MOSPD2: variants seen among roughly 807,000 people sequenced by gnomAD.
MOSPD2 encodes motile sperm domain containing 2.
Under a neutral mutation model 41.7 loss-of-function variants are expected in MOSPD2, and 5 were observed. The ratio of observed to expected loss-of-function variants is 0.12; its 90% CI spans 0.06 to 0.25. The LOEUF (loss-of-function observed/expected upper bound fraction) is 0.25. Ranked by LOEUF, MOSPD2 falls within the 10% of genes least tolerant of loss-of-function variation. The pLI is 1.00. For missense variants in MOSPD2, 282 were observed against 375.2 expected (o/e 0.75, Z 2.05); for synonymous variants, 115 against 126.9 (o/e 0.91, Z 0.63).
At position 14,912,008 on chromosome X, in the gene MOSPD2, T is replaced by G. The variant is rs1384989522; in HGVS notation, c.880-241T>G. Among the ~76,000 whole-genome samples the G allele has an allele frequency of 8.9e-5, 10 of 112,627 alleles. No homozygotes were observed. The East Asian group carries it at 2.8e-3, about 31-fold the overall frequency. On this transcript the variant is annotated intron_variant, in intron 9 of 14. Coordinates refer to ENST00000380492, the MANE Select transcript of MOSPD2 (RefSeq NM_152581.4). ...AAGTAATTAATTTAAAACTTTGATTTAGTTCCTTTCTCTAATTTTTAAAAG... is the reference window on the plus strand; with the variant it reads ...AAGTAATTAATTTAAAACTTTGATTGAGTTCCTTTCTCTAATTTTTAAAAG...
chrX:14,892,590 G>A (rs745360458), intron 2 of MOSPD2, 133 bp from the exon 3 acceptor site: 4 of 491,488 alleles, frequency 8.1e-6, no homozygotes, highest in Non-Finnish European at 1.0e-5. Flanking sequence ...GCTTTTATCT[G>A]AACTACATCC....
chrX:14,888,422 C>T (rs1017914032), intron 2 of MOSPD2, among the ~76,000 whole-genome samples: 2 of 110,284 alleles, frequency 1.8e-5, no homozygotes, highest in African/African-American at 3.3e-5. Flanking sequence ...GAATGAGTCT[C>T]ACGAGATCTG....
In MOSPD2 at chrX:14,920,806, A is replaced by G; in HGVS notation, c.*997A>G. On this transcript the variant is annotated 3_prime_UTR_variant, in exon 15 of 15. Coordinates refer to ENST00000380492, the MANE Select transcript of MOSPD2 (RefSeq NM_152581.4). ...CAGGATAATAAATTTAGATTTTAAA[A>G]TGTTCCCTGTAAAAGTCAGCCCATG... 1.3e-6 allele frequency: 1 copy of G among 753,955 alleles called. No homozygotes were observed. The highest frequency in any genetic ancestry group is 1.6e-6 in the Non-Finnish European group (1 of 639,077). 62.1% of individuals were successfully genotyped at this position (753,955 alleles called of 1,213,427 possible).
At chrX:14,882,543 G>C (rs189357492) in intron 2 of MOSPD2, among the ~76,000 whole-genome samples, 10 of 111,827 alleles carry the variant, frequency 8.9e-5, no homozygotes, top group Non-Finnish European at 1.3e-4. Flanking sequence ...ATGCATGTCA[G>C]TTAGCTTGAT....
At chrX:14,886,416 A>T (rs1478069277) in intron 2 of MOSPD2, among the ~76,000 whole-genome samples, 4 of 108,856 alleles carry the variant, frequency 3.7e-5, no homozygotes, top group African/African-American at 1.3e-4. Context: ...AGCAGAAAGC[A>T]CCTCCCCTTT....
intron 2 of MOSPD2, chrX:14,885,280 A>G (rs2092539056): frequency 8.9e-6 from 1 of 111,839 alleles, no homozygotes; most frequent in Non-Finnish European, 1.9e-5. Context: ...TTATTAAGCA[A>G]CTACATCAGA....
chrX:14,906,046 C>T (rs2092581569), intron 7 of MOSPD2, among the ~76,000 whole-genome samples: 1 of 111,658 alleles, frequency 9.0e-6, no homozygotes. Context: ...CAGTCCCTAT[C>T]AAAAGCCCAG....
At chrX:14,883,051 C>T (rs376364114) in intron 2 of MOSPD2, among the ~76,000 whole-genome samples, 279 of 110,157 alleles carry the variant, frequency 2.5e-3, no homozygotes, top group Middle Eastern at 0.019. Context: ...AAAAATTAGC[C>T]GGTCGTGGTG....
chrX:14,892,110 C>T (rs2092555075), intron 2 of MOSPD2, among the ~76,000 whole-genome samples: 1 of 111,804 alleles, frequency 8.9e-6, no homozygotes, highest in African/African-American at 3.3e-5. Flanking sequence ...TTAGATAACG[C>T]ATTCTCCTCA....
At chrX:14,896,270 C>T (rs1339887123) in intron 4 of MOSPD2, among the ~76,000 whole-genome samples, 1 of 111,030 alleles carries the variant, frequency 9.0e-6, no homozygotes, top group Non-Finnish European at 1.9e-5. Flanking sequence ...CCCCTCCTGA[C>T]TGTCAGCAGC....
intron 12 of MOSPD2, 120 bp downstream of exon 12, chrX:14,915,884 C>T: frequency 1.5e-6 from 1 of 651,765 alleles, no homozygotes; most frequent in Non-Finnish European, 2.4e-6. Context: ...CAGAGTATCA[C>T]GAGTCACCTC....
At chrX:14,903,398 T>G (rs1485452097) in intron 7 of MOSPD2, among the ~76,000 whole-genome samples, 1 of 110,677 alleles carries the variant, frequency 9.0e-6, no homozygotes, top group Non-Finnish European at 1.9e-5. Context: ...AAGGTAATAC[T>G]CTAGTCAGAA....
At chrX:14,910,221 A>G (rs939787833) in intron 8 of MOSPD2, among the ~76,000 whole-genome samples, 2 of 110,742 alleles carry the variant, frequency 1.8e-5, no homozygotes, top group Non-Finnish European at 3.8e-5. Context: ...GAAAAGTATA[A>G]CAGTACCATG....
At chrX:14,912,468 A>G in intron 10 of MOSPD2, 107 bp downstream of exon 10, 1 of 489,318 alleles carries the variant, frequency 2.0e-6, no homozygotes, top group Non-Finnish European at 3.2e-6. Context: ...AACTGTAGAA[A>G]TATAAAACCA....
chrX:14,889,818 T>C (rs1406571100), intron 2 of MOSPD2, among the ~76,000 whole-genome samples: 1 of 111,996 alleles, frequency 8.9e-6, no homozygotes, highest in Non-Finnish European at 1.9e-5. Context: ...TTAAATTTCT[T>C]AGTAATGGAC....
At chrX:14,915,891 C>G in intron 12 of MOSPD2, 127 bp downstream of exon 12, 1 of 625,042 alleles carries the variant, frequency 1.6e-6, no homozygotes, top group Non-Finnish European at 2.5e-6. Context: ...TCACGAGTCA[C>G]CTCACCTCGC....
intron 2 of MOSPD2, among the ~76,000 whole-genome samples, chrX:14,886,124 A>G (rs1446238726): frequency 9.0e-6 from 1 of 111,483 alleles, no homozygotes; most frequent in African/African-American, 3.3e-5. Context: ...AGCTCCTCTC[A>G]AAATGACTGA....
chrX:14,909,455 C>T (rs2092587840), intron 8 of MOSPD2, among the ~76,000 whole-genome samples: 1 of 111,508 alleles, frequency 9.0e-6, no homozygotes, highest in African/African-American at 3.3e-5. Flanking sequence ...ATGTAGCAGG[C>T]TCTCATACTC....
In MOSPD2 at chrX:14,873,488, G is replaced by C. The variant is rs761269333; in HGVS notation, c.-41G>C. ...GATACTCGGTCGGCGACGGTAGAACGGGCGACGGCGACAACCGCAATCACA... is the reference window on the plus strand; with the variant it reads ...GATACTCGGTCGGCGACGGTAGAACCGGCGACGGCGACAACCGCAATCACA... On this transcript the variant is annotated 5_prime_UTR_variant, in exon 1 of 15. Transcript: ENST00000380492. 86 of 1,209,861 alleles carry C rather than the reference G, an allele frequency of 7.1e-5. No homozygotes were observed. Among genetic ancestry groups the C allele is most frequent in the Middle Eastern group, 4.6e-4 (2 of 4,316 alleles).
Sources: allele counts gnomAD v4.1 joint callset (sites outside exome capture counted in the v4.1 genomes callset), GRCh38; gene constraint gnomAD v4.1.1; transcripts MANE v1.5; gene names NCBI Gene and HGNC (gene_info 2026-07-23, HGNC 2026-07-21).